Variants in NRG3 observed in about 807,000 individuals in gnomAD.
NRG3 encodes neuregulin 3, also known as pro-neuregulin-3, membrane-bound isoform.
In NRG3, 31 loss-of-function variants were observed where a neutral mutation model predicts 66.9. The observed-to-expected ratio is 0.46, with a 90% CI of 0.35 to 0.63. NRG3 has a LOEUF of 0.63. Ranked by LOEUF, NRG3 falls within the 20% of genes least tolerant of loss-of-function variation. NRG3 has a pLI of 0.00. For synonymous variants in NRG3, 393 were observed against 359.4 expected, an observed-to-expected ratio of 1.09 and a Z score of -1.06; for missense variants, 910 against 878.9, an observed-to-expected ratio of 1.04 and a Z score of -0.45.
Position 82,300,775 on chromosome 10 carries a change from A to T in NRG3, c.824-57964A>T, listed in dbSNP as rs532791173. Among the ~76,000 whole-genome samples the T allele has an allele frequency of 2.6e-5, 4 of 152,276 alleles. No individual in the cohort carries two copies. In the East Asian group the frequency reaches 7.7e-4, roughly 29 times the overall value. ...TATGAAATGGTTGAATTTCACATCA[A>T]ACCCATTGGAAGGGTGGCAGATACT... is the stretch of plus-strand genomic sequence containing the variant. On this transcript the variant is annotated intron_variant, in intron 1 of 8. Coordinates refer to ENST00000372141, the MANE Select transcript of NRG3 (RefSeq NM_001010848.4).
intron 2 of NRG3, among the ~76,000 whole-genome samples, chr10:82,577,507 G>A (rs1295620067): frequency 6.6e-6 from 1 of 151,748 alleles, no homozygotes; most frequent in Non-Finnish European, 1.5e-5. Context: ...TAAAAGTAAA[G>A]TTGAATATAT....
chr10:81,994,111 CTAAAGTGT>C (rs760630581), intron 1 of NRG3, among the ~76,000 whole-genome samples: 11 of 152,156 alleles, frequency 7.2e-5, no homozygotes, highest in Non-Finnish European at 2.9e-5. Context: ...AAATTACACT[CTAAAGTGT>C]TATCAGTTTC....
At chr10:81,917,583 C>A (rs1016379778) in intron 1 of NRG3, among the ~76,000 whole-genome samples, 4 of 152,112 alleles carry the variant, frequency 2.6e-5, no homozygotes, top group Admixed American at 6.6e-5. Flanking sequence ...AGGGGTAAAA[C>A]CCTTTGACTA....
intron 3 of NRG3, among the ~76,000 whole-genome samples, chr10:82,755,816 CCAT>C (rs1362323900): frequency 6.6e-6 from 1 of 152,082 alleles, no homozygotes; most frequent in African/African-American, 2.4e-5. Context: ...CCTAGGTACA[CCAT>C]CTACTTCACA....
At chr10:82,482,556 T>A (rs573284301) in intron 2 of NRG3, among the ~76,000 whole-genome samples, 1 of 151,978 alleles carries the variant, frequency 6.6e-6, no homozygotes, top group Non-Finnish European at 1.5e-5. Context: ...AGGTCAGTGC[T>A]ACACAGAGTG....
At chr10:82,388,185 T>TA (rs10706158) in intron 2 of NRG3, among the ~76,000 whole-genome samples, 1 of 151,936 alleles carries the variant, frequency 6.6e-6, no homozygotes, top group African/African-American at 2.4e-5. Context: ...AGAGATTCAT[T>TA]AAAAAACATT....
At chr10:82,456,806 G>A (rs2091288344) in intron 2 of NRG3, among the ~76,000 whole-genome samples, 1 of 152,102 alleles carries the variant, frequency 6.6e-6, no homozygotes. Context: ...TGTCTCCTGA[G>A]TACCGGGCCT....
At chr10:82,035,446 A>T (rs1010760574) in intron 1 of NRG3, among the ~76,000 whole-genome samples, 2 of 152,160 alleles carry the variant, frequency 1.3e-5, no homozygotes, top group African/African-American at 4.8e-5. Flanking sequence ...TAATGAAAGT[A>T]GAAAATTTGT....
chr10:81,955,195 C>A (rs544322911), intron 1 of NRG3, among the ~76,000 whole-genome samples: 1 of 147,514 alleles, frequency 6.8e-6, no homozygotes, highest in Admixed American at 6.8e-5. Context: ...TATATATATA[C>A]ACACACACAT....
At chr10:82,480,200 G>C (rs1446443941) in intron 2 of NRG3, among the ~76,000 whole-genome samples, 1 of 152,206 alleles carries the variant, frequency 6.6e-6, no homozygotes, top group African/African-American at 2.4e-5. Context: ...GGATTGGGTA[G>C]TGGGGTTGAT....
chr10:82,673,643 A>C (rs1024347092), intron 2 of NRG3, among the ~76,000 whole-genome samples: 10 of 152,116 alleles, frequency 6.6e-5, no homozygotes, highest in Non-Finnish European at 1.2e-4. Flanking sequence ...ACCAGGAGAG[A>C]GCACACTGGA....
At chr10:82,371,905 A>T (rs1231622022) in intron 2 of NRG3, among the ~76,000 whole-genome samples, 1 of 152,142 alleles carries the variant, frequency 6.6e-6, no homozygotes, top group Non-Finnish European at 1.5e-5. Context: ...CAATCTGTTA[A>T]TGAGACATCT....
chr10:82,004,937 G>C (rs771809812), intron 1 of NRG3, among the ~76,000 whole-genome samples: 1 of 152,226 alleles, frequency 6.6e-6, no homozygotes, highest in Non-Finnish European at 1.5e-5. Flanking sequence ...AAGCCACTAA[G>C]TCTGTGGTGT....
At chr10:82,257,725 C>T (rs969943466) in intron 1 of NRG3, among the ~76,000 whole-genome samples, 8 of 152,054 alleles carry the variant, frequency 5.3e-5, no homozygotes, top group African/African-American at 1.9e-4. Context: ...CAAGATCACA[C>T]CATTGCCCTT....
rs138379514 is a variant in NRG3, at chr10:82,319,232, G to C, written c.824-39507G>C. Among the ~76,000 whole-genome samples, 16 of 152,322 alleles carry C rather than the reference G, an allele frequency of 1.1e-4. No homozygotes were observed. The East Asian group carries it at 2.9e-3, about 28-fold the overall frequency. Reference sequence around the variant, plus strand: ...CTGGCTGCTGTGGGGAGTCCCCTTGGTTACATCTTCCCATCTGTACAGACA... The same window carrying C: ...CTGGCTGCTGTGGGGAGTCCCCTTGCTTACATCTTCCCATCTGTACAGACA... On this transcript the variant is annotated intron_variant, in intron 1 of 8. Coordinates refer to ENST00000372141, the MANE Select transcript of NRG3 (RefSeq NM_001010848.4).
At chr10:82,582,655 A>G (rs575625963) in intron 2 of NRG3, among the ~76,000 whole-genome samples, 1 of 140,262 alleles carries the variant, frequency 7.1e-6, no homozygotes, top group African/African-American at 2.7e-5. Flanking sequence ...AAAAATATCT[A>G]TATGTGTTGT....
chr10:81,879,582 G>T (rs1347065269), intron 1 of NRG3, among the ~76,000 whole-genome samples: 4 of 152,184 alleles, frequency 2.6e-5, no homozygotes, highest in African/African-American at 9.7e-5. Context: ...CTTTGGGTTA[G>T]ATTTGGAAGG....
intron 2 of NRG3, among the ~76,000 whole-genome samples, chr10:82,613,347 T>A (rs1251303690): frequency 1.3e-5 from 2 of 151,978 alleles, no homozygotes; most frequent in African/African-American, 4.8e-5. Flanking sequence ...GTCATTTGTT[T>A]AGTTATATTT....
intron 1 of NRG3, among the ~76,000 whole-genome samples, chr10:81,920,921 A>T (rs1228729631): frequency 1.3e-5 from 2 of 152,150 alleles, no homozygotes; most frequent in Non-Finnish European, 2.9e-5. Context: ...TTTTTCTCAT[A>T]ACCTAATATG....
Sources: allele counts gnomAD v4.1 joint callset (sites outside exome capture counted in the v4.1 genomes callset), GRCh38; gene constraint gnomAD v4.1.1; transcripts MANE v1.5; gene names NCBI Gene and HGNC (gene_info 2026-07-23, HGNC 2026-07-21).